Variants in CAMKMT observed in about 807,000 individuals in gnomAD.
CAMKMT encodes calmodulin-lysine N-methyltransferase.
In CAMKMT, 53 loss-of-function variants were observed where a neutral mutation model predicts 48.0. The observed-to-expected ratio is 1.10, with a 90% CI of 0.89 to 1.39. The LOEUF (loss-of-function observed/expected upper bound fraction) is 1.39. Ranked by LOEUF, CAMKMT falls within the 40% of genes most tolerant of loss-of-function variation. The pLI is 0.00. For synonymous variants in CAMKMT, 165 were observed against 152.3 expected (o/e 1.08, Z -0.61); for missense variants, 428 against 402.7 (o/e 1.06, Z -0.54).
chr2:44,619,368 TA>T (rs1354543769), intron 3 of CAMKMT, among the ~76,000 whole-genome samples: 2 of 152,214 alleles, frequency 1.3e-5, no homozygotes, highest in African/African-American at 4.8e-5. Flanking sequence ...TTAGTAGGGT[TA>T]CCTGGCAAAT....
chr2:44,721,686 T>C (rs1206942873), intron 7 of CAMKMT, among the ~76,000 whole-genome samples: 2 of 152,212 alleles, frequency 1.3e-5, no homozygotes, highest in African/African-American at 2.4e-5. Context: ...AAGCTCATAC[T>C]TGGCCAGATG....
intron 3 of CAMKMT, among the ~76,000 whole-genome samples, chr2:44,594,028 G>C (rs568880444): frequency 2.6e-4 from 39 of 152,174 alleles, no homozygotes; most frequent in African/African-American, 9.2e-4. Flanking sequence ...CTCCAAAAGT[G>C]CTGGGATTAC....
chr2:44,618,262 T>A lies in CAMKMT; in HGVS notation c.377-86021T>A, dbSNP rs1322743727. Reference sequence around the variant, plus strand: ...TTTATTGAATTTGACTTAACAGAAGTCAGAAGACAGCTGAAGCATAAGAGC... The same window carrying A: ...TTTATTGAATTTGACTTAACAGAAGACAGAAGACAGCTGAAGCATAAGAGC... On this transcript the variant is annotated intron_variant, in intron 3 of 10. Coordinates refer to ENST00000378494, the MANE Select transcript of CAMKMT (RefSeq NM_024766.5). This position sits in a 1 kb window ranked among gnomAD's most constrained non-coding sequence, Gnocchi z 4.0. Among the ~76,000 whole-genome samples the A allele has an allele frequency of 6.6e-6, 1 of 152,288 alleles. No homozygotes were observed. Among genetic ancestry groups the A allele is most frequent in the East Asian group, 1.9e-4 (1 of 5,170 alleles).
intron 3 of CAMKMT, among the ~76,000 whole-genome samples, chr2:44,493,300 A>G (rs551671977): frequency 1.3e-5 from 2 of 152,172 alleles, no homozygotes; most frequent in South Asian, 2.1e-4. Context: ...TGTGCCAGGT[A>G]CCTGAGGCCT....
At chr2:44,489,738 T>C (rs190325104) in intron 3 of CAMKMT, among the ~76,000 whole-genome samples, 1 of 152,106 alleles carries the variant, frequency 6.6e-6, no homozygotes, top group South Asian at 2.1e-4. Flanking sequence ...TGGTAACATA[T>C]TAGAAAAATT....
chr2:44,509,481 T>G (rs549339771), intron 3 of CAMKMT, among the ~76,000 whole-genome samples: 37 of 152,148 alleles, frequency 2.4e-4, no homozygotes, highest in African/African-American at 8.7e-4. Flanking sequence ...GGCCAATTTT[T>G]TGTGTTTTTT....
At chr2:44,698,883 G>A (rs967381294) in intron 3 of CAMKMT, among the ~76,000 whole-genome samples, 3 of 152,202 alleles carry the variant, frequency 2.0e-5, no homozygotes, top group Non-Finnish European at 4.4e-5. Flanking sequence ...CTCAGTTTAT[G>A]TAATATTCTA....
At chr2:44,418,108 A>G (rs910472691) in intron 3 of CAMKMT, among the ~76,000 whole-genome samples, 1 of 150,218 alleles carries the variant, frequency 6.7e-6, no homozygotes, top group African/African-American at 2.4e-5. Context: ...GGGAGAATCG[A>G]TTGAACCTGG....
chr2:44,484,828 A>T (rs1209976008), intron 3 of CAMKMT, among the ~76,000 whole-genome samples: 2 of 152,156 alleles, frequency 1.3e-5, no homozygotes, highest in Non-Finnish European at 2.9e-5. Context: ...AATGCATATA[A>T]CTAAGGACTT....
intron 3 of CAMKMT, among the ~76,000 whole-genome samples, chr2:44,496,712 A>C (rs895681908): frequency 2.6e-5 from 4 of 152,222 alleles, no homozygotes; most frequent in Non-Finnish European, 4.4e-5. Flanking sequence ...ATCATAGATA[A>C]ATGTGTAGTC....
intron 3 of CAMKMT, among the ~76,000 whole-genome samples, chr2:44,595,141 G>T (rs1469937573): frequency 6.6e-6 from 1 of 152,022 alleles, no homozygotes; most frequent in African/African-American, 2.4e-5. Context: ...TCATTAAAAA[G>T]TCAGGAAACA....
chr2:44,448,020 AT>A (rs935773647), intron 3 of CAMKMT, among the ~76,000 whole-genome samples: 11 of 151,902 alleles, frequency 7.2e-5, no homozygotes, highest in African/African-American at 2.4e-4. Flanking sequence ...CTGTTTCTTA[AT>A]TTTTTTTCAC....
intron 1 of CAMKMT, among the ~76,000 whole-genome samples, chr2:44,367,343 C>T (rs938853703): frequency 4.3e-4 from 66 of 152,194 alleles, no homozygotes; most frequent in African/African-American, 1.5e-3. Context: ...CATGTTGCCA[C>T]GAATGGAAAA....
At position 44,379,134 on chromosome 2, in the gene CAMKMT, T is replaced by C. The variant is rs545378876; in HGVS notation, c.311+6246T>C. Among the ~76,000 whole-genome samples, 6 of 152,308 alleles carry C rather than the reference T, an allele frequency of 3.9e-5. No homozygotes were observed. In the South Asian group the frequency reaches 1.0e-3, roughly 26 times the overall value. ...ACTTTCTGTCTCTATGTGTTGTCTGTTCTGGACACTTTATGTAAATGGAAT... is the reference window on the plus strand; with the variant it reads ...ACTTTCTGTCTCTATGTGTTGTCTGCTCTGGACACTTTATGTAAATGGAAT... On this transcript the variant is annotated intron_variant, in intron 2 of 10. Transcript: ENST00000378494.
At chr2:44,439,779 A>G (rs1431481400) in intron 3 of CAMKMT, among the ~76,000 whole-genome samples, 1 of 147,968 alleles carries the variant, frequency 6.8e-6, no homozygotes, top group East Asian at 2.0e-4. Context: ...GCAAGACTCC[A>G]TCTCATAAAA....
intron 3 of CAMKMT, among the ~76,000 whole-genome samples, chr2:44,399,074 A>G (rs181485600): frequency 6.6e-6 from 1 of 152,202 alleles, no homozygotes; most frequent in African/African-American, 2.4e-5. Context: ...TTGTGTAATT[A>G]TAGATACGTC....
At chr2:44,567,252 T>G (rs1668663299) in intron 3 of CAMKMT, among the ~76,000 whole-genome samples, 1 of 152,058 alleles carries the variant, frequency 6.6e-6, no homozygotes, top group South Asian at 2.1e-4. Flanking sequence ...CTAATTAACA[T>G]TAATTCATCC....
rs192441263 is a variant in CAMKMT at position 44,767,177 on chromosome 2, A to G, written c.894+616A>G. On this transcript the variant is annotated intron_variant, in intron 10 of 10. Coordinates refer to ENST00000378494, the MANE Select transcript of CAMKMT (RefSeq NM_024766.5). ...ATTATTTATAGGTATAGACCAATAT[A>G]GGACACTGAGAGGCGAGTGTTTCAC... Among the ~76,000 whole-genome samples, 5 of 152,370 alleles carry G rather than the reference A, an allele frequency of 3.3e-5. No homozygotes were observed. In the East Asian group the frequency reaches 9.6e-4, roughly 29 times the overall value.
intron 3 of CAMKMT, among the ~76,000 whole-genome samples, chr2:44,554,419 G>T (rs1667897536): frequency 6.6e-6 from 1 of 152,132 alleles, no homozygotes. Flanking sequence ...TTTTCATACA[G>T]CCCTTAGAAC....
Sources: gnomAD v4.1 joint callset for allele counts (sites outside exome capture counted in the v4.1 genomes callset) on GRCh38, gnomAD v4.1.1 for gene constraint, Gnocchi (gnomAD v3.1) non-coding constraint, MANE v1.5 for transcripts, NCBI Gene and HGNC (gene_info 2026-07-23, HGNC 2026-07-21) for gene names.